ERBB4: variants seen among roughly 807,000 people sequenced by gnomAD.
ERBB4 encodes erb-b2 receptor tyrosine kinase 4.
ERBB4 carries 42 observed loss-of-function variants against 158.0 expected under a neutral mutation model. The observed-to-expected ratio is 0.27, with a 90% CI of 0.21 to 0.34. The LOEUF (loss-of-function observed/expected upper bound fraction) is 0.34. Ranked by LOEUF, ERBB4 falls within the 10% of genes least tolerant of loss-of-function variation. The probability of loss-of-function intolerance (pLI) is 1.00; values close to 1 mark genes in which losing one functional copy is unlikely to be tolerated. For synonymous variants in ERBB4, 583 were observed against 558.7 expected (o/e 1.04, Z -0.61); for missense variants, 1,333 against 1,624.1 (o/e 0.82, Z 3.08).
At chr2:211,824,877 G>T (rs114911527) in intron 3 of ERBB4, among the ~76,000 whole-genome samples, 4,545 of 151,922 alleles carry the variant, frequency 0.03, 72 homozygotes, top group African/African-American at 0.041. Context: ...TTAATTACCG[G>T]ACTGTAATGA....
intron 3 of ERBB4, among the ~76,000 whole-genome samples, chr2:211,923,633 A>G (rs992544369): frequency 1.3e-4 from 20 of 152,146 alleles, no homozygotes; most frequent in Non-Finnish European, 4.4e-5. Flanking sequence ...CTGGAGGATA[A>G]GAAGTGGTGT....
At chr2:212,372,491 T>C (rs1296380442) in intron 1 of ERBB4, among the ~76,000 whole-genome samples, 1 of 152,148 alleles carries the variant, frequency 6.6e-6, no homozygotes, top group African/African-American at 2.4e-5. Context: ...GGCTCACACC[T>C]GTAATCCCAG....
intron 1 of ERBB4, among the ~76,000 whole-genome samples, chr2:212,278,601 T>C (rs915947064): frequency 1.3e-5 from 2 of 151,642 alleles, no homozygotes; most frequent in South Asian, 2.1e-4. Context: ...GTAACTCTTC[T>C]ATGCAAAAGC....
chr2:212,420,153 CA>C (rs750925790), intron 1 of ERBB4, among the ~76,000 whole-genome samples: 3 of 151,844 alleles, frequency 2.0e-5, no homozygotes, highest in Non-Finnish European at 4.4e-5. Flanking sequence ...TTCCTAAATC[CA>C]AATTTCAGCA....
chr2:211,709,859 G>T (rs1027715677), intron 9 of ERBB4, among the ~76,000 whole-genome samples: 8 of 151,906 alleles, frequency 5.3e-5, no homozygotes, highest in African/African-American at 1.9e-4. Context: ...TCTTTCTTTT[G>T]TCATATAACA....
intron 16 of ERBB4, among the ~76,000 whole-genome samples, chr2:211,651,477 C>T (rs1020560512): frequency 1.3e-5 from 2 of 152,128 alleles, no homozygotes; most frequent in Non-Finnish European, 2.9e-5. Context: ...ACCTTTCCCA[C>T]TTATTTAAAT....
chr2:212,219,418 C>A (rs2083215820), intron 1 of ERBB4, among the ~76,000 whole-genome samples: 1 of 150,960 alleles, frequency 6.6e-6, no homozygotes, highest in Non-Finnish European at 1.5e-5. Flanking sequence ...GTCAGAAAGA[C>A]CTAAATTATA....
At chr2:211,485,899 G>A (rs1013857651) in intron 20 of ERBB4, among the ~76,000 whole-genome samples, 8 of 151,854 alleles carry the variant, frequency 5.3e-5, no homozygotes, top group South Asian at 2.1e-4. Flanking sequence ...TACAGAAATC[G>A]TCAGGGGCTT....
chr2:212,411,779 G>C (rs1182584494), intron 1 of ERBB4, among the ~76,000 whole-genome samples: 1 of 152,078 alleles, frequency 6.6e-6, no homozygotes, highest in Admixed American at 6.6e-5. Flanking sequence ...CCCCTGACAA[G>C]GGTGAATGCA....
intron 1 of ERBB4, among the ~76,000 whole-genome samples, chr2:212,476,154 C>CACAG (rs1689381668): frequency 1.3e-5 from 1 of 77,756 alleles, no homozygotes. Flanking sequence ...CTCTCTCTGT[C>CACAG]ACACACACAC....
chr2:212,091,772 T>C (rs1287112880), intron 2 of ERBB4, among the ~76,000 whole-genome samples: 1 of 152,198 alleles, frequency 6.6e-6, no homozygotes, highest in Non-Finnish European at 1.5e-5. Context: ...TTTAAAATTA[T>C]TTTTTGTCTT....
intron 20 of ERBB4, among the ~76,000 whole-genome samples, chr2:211,492,889 A>G (rs1393814370): frequency 6.6e-6 from 1 of 152,142 alleles, no homozygotes; most frequent in African/African-American, 2.4e-5. Flanking sequence ...AGGATGATCA[A>G]GTCACTAAGT....
chr2:211,916,333 C>A (rs1435494361), intron 3 of ERBB4, among the ~76,000 whole-genome samples: 1 of 152,018 alleles, frequency 6.6e-6, no homozygotes, highest in East Asian at 1.9e-4. Flanking sequence ...GCACCTGCCA[C>A]CACACCCAGC....
intron 1 of ERBB4, among the ~76,000 whole-genome samples, chr2:212,321,793 A>G (rs1044319005): frequency 6.6e-6 from 1 of 150,436 alleles, no homozygotes; most frequent in African/African-American, 2.4e-5. Context: ...AGGCATTAAA[A>G]ACACCCCTGG....
At chr2:211,996,489 G>A (rs1419496674) in intron 2 of ERBB4, among the ~76,000 whole-genome samples, 2 of 151,932 alleles carry the variant, frequency 1.3e-5, no homozygotes, top group Admixed American at 1.3e-4. Context: ...CTATAAGGGA[G>A]ATATTACCAT....
chr2:212,323,080 T>A (rs1262393732), intron 1 of ERBB4, among the ~76,000 whole-genome samples: 1 of 150,550 alleles, frequency 6.6e-6, no homozygotes, highest in African/African-American at 2.4e-5. Context: ...CTTTATACAC[T>A]AGAAATACCT....
intron 20 of ERBB4, among the ~76,000 whole-genome samples, chr2:211,497,328 T>C (rs1485145622): frequency 1.3e-5 from 2 of 152,120 alleles, no homozygotes; most frequent in South Asian, 2.1e-4. Context: ...AAGTGTAACA[T>C]TTTGTACTTG....
intron 3 of ERBB4, among the ~76,000 whole-genome samples, chr2:211,839,169 GGA>G (rs2105994166): frequency 1.1e-5 from 1 of 89,608 alleles, no homozygotes; most frequent in Non-Finnish European, 2.5e-5. Context: ...AGGAGGAGGA[GGA>G]GGAGGAGGAG....
intron 3 of ERBB4, among the ~76,000 whole-genome samples, chr2:211,944,209 T>TATATATATATATATAGTAG (rs2080611205): frequency 6.7e-5 from 1 of 14,942 alleles, no homozygotes; most frequent in Admixed American, 6.7e-4. Flanking sequence ...ACTATATATA[T>TATATATATATATATAGTAG]ATATACACAC....
Sources: gnomAD v4.1 joint callset for allele counts (sites outside exome capture counted in the v4.1 genomes callset) on GRCh38, gnomAD v4.1.1 for gene constraint, MANE v1.5 for transcripts, NCBI Gene and HGNC (gene_info 2026-07-23, HGNC 2026-07-21) for gene names.